DIP2B: variants seen among roughly 807,000 people sequenced by gnomAD.
DIP2B encodes disco-interacting protein 2 homolog B.
A neutral mutation model predicts 198.0 loss-of-function variants in DIP2B; 76 were observed. That is an observed-to-expected ratio of 0.38 (90% CI 0.32 to 0.46). The LOEUF (loss-of-function observed/expected upper bound fraction) is 0.46, where lower values mean the gene tolerates loss of function less well. DIP2B is among the 20% of genes least tolerant of loss of function. The pLI, the probability that DIP2B is intolerant of heterozygous loss-of-function variation, is 0.99. For missense variants in DIP2B, 1,559 were observed against 1,978.4 expected (o/e 0.79, Z 4.02); for synonymous variants, 701 against 739.1 (o/e 0.95, Z 0.84).
intron 8 of DIP2B, chr12:50,680,183 GAGAC>G (rs1413896574): frequency 6.8e-6 from 1 of 147,636 alleles, no homozygotes; most frequent in Non-Finnish European, 1.5e-5. Context: ...CTCAAACAGG[GAGAC>G]AGACAGAGGT....
At position 50,706,503 on chromosome 12, in the gene DIP2B, C is replaced by A. The variant is rs773597513; in HGVS notation, c.2407-35C>A. ...AAGATGTCTGTTTTACTATTTAAAT[C>A]ATGGAAATCAAGGTAAATCATCATT... On this transcript the variant is annotated intron_variant, in intron 20 of 37. Coordinates refer to ENST00000301180, the MANE Select transcript of DIP2B (RefSeq NM_173602.3). 34 of 1,604,912 alleles carry A rather than the reference C, an allele frequency of 2.1e-5. No individual in the cohort carries two copies. In the East Asian group the frequency reaches 3.1e-4, roughly 15 times the overall value.
intron 4 of DIP2B, among the ~76,000 whole-genome samples, chr12:50,666,490 T>G (rs1256123650): frequency 6.6e-6 from 1 of 152,154 alleles, no homozygotes; most frequent in Non-Finnish European, 1.5e-5. Context: ...TGTAACCAGC[T>G]TTTTAAAAAA....
chr12:50,605,764 T>C (rs1420966843), intron 1 of DIP2B, among the ~76,000 whole-genome samples: 1 of 152,216 alleles, frequency 6.6e-6, no homozygotes, highest in Non-Finnish European at 1.5e-5. Context: ...TGTTGCAGCA[T>C]GTATCAGTAC....
chr12:50,538,871 A>G (rs757049137), intron 1 of DIP2B, among the ~76,000 whole-genome samples: 2 of 152,156 alleles, frequency 1.3e-5, no homozygotes, highest in African/African-American at 2.4e-5. Flanking sequence ...GAATGGCCCA[A>G]TCATCAAGAT....
chr12:50,683,314 A>G, intron 10 of DIP2B, 66 bp downstream of exon 10: 3 of 1,327,326 alleles, frequency 2.3e-6, no homozygotes, highest in Non-Finnish European at 3.2e-6. Flanking sequence ...GTTCTTGGAT[A>G]GATGTAGTCA....
chr12:50,523,451 G>A lies in DIP2B; in HGVS notation c.100+18211G>A, dbSNP rs78291696. On this transcript the variant is annotated intron_variant, in intron 1 of 37. Transcript: ENST00000301180. ...GGATGTGGAACCCAAAGATATGGAC[G>A]GGCCAACTGTACTGTGTTCCTGAAT... Among the ~76,000 whole-genome samples the A allele has an allele frequency of 6.1e-3, 922 of 152,116 alleles. 7 individuals are homozygous for A. Among genetic ancestry groups the A allele is most frequent in the African/African-American group, 0.021 (881 of 41,474 alleles).
At chr12:50,714,203 C>G (rs1466199217) in intron 22 of DIP2B, among the ~76,000 whole-genome samples, 192 bp from the exon 23 acceptor site, 1 of 152,174 alleles carries the variant, frequency 6.6e-6, no homozygotes, top group Non-Finnish European at 1.5e-5. Flanking sequence ...TCTGCCACAG[C>G]TGAAAGATGT....
At chr12:50,606,806 T>G (rs76160450) in intron 1 of DIP2B, among the ~76,000 whole-genome samples, 1 of 138,168 alleles carries the variant, frequency 7.2e-6, no homozygotes, top group East Asian at 2.0e-4. Flanking sequence ...TCTTTTTCTG[T>G]TTTTTTTTTT....
chr12:50,661,070 AG>A (rs1454991347), intron 4 of DIP2B, among the ~76,000 whole-genome samples: 2 of 152,100 alleles, frequency 1.3e-5, no homozygotes, highest in Admixed American at 1.3e-4. Flanking sequence ...TCTCTCCCAA[AG>A]TTTTTTTAAA....
intron 35 of DIP2B, among the ~76,000 whole-genome samples, chr12:50,739,097 C>T (rs535837587): frequency 2.0e-4 from 31 of 152,308 alleles, no homozygotes; most frequent in African/African-American, 7.2e-4. Context: ...GAGAGCACGG[C>T]CTCCGGAGCC....
At chr12:50,733,248 T>C (rs1364641984) in intron 32 of DIP2B, among the ~76,000 whole-genome samples, 1 of 84,536 alleles carries the variant, frequency 1.2e-5, no homozygotes, top group Non-Finnish European at 2.3e-5. Context: ...ACCATTTTTT[T>C]TCTTTCTTTT....
At chr12:50,607,783 G>A (rs1958996357) in intron 1 of DIP2B, among the ~76,000 whole-genome samples, 1 of 152,102 alleles carries the variant, frequency 6.6e-6, no homozygotes, top group African/African-American at 2.4e-5. Flanking sequence ...TGTTTTCTGG[G>A]TTTTTTATTT....
intron 3 of DIP2B, chr12:50,654,876 C>T: frequency 3.6e-6 from 1 of 281,058 alleles, no homozygotes; most frequent in Non-Finnish European, 7.5e-6. Context: ...AGACAACACA[C>T]TCTGAAGGTT....
At chr12:50,722,793 G>T (rs1450874370) in intron 26 of DIP2B, among the ~76,000 whole-genome samples, 1 of 152,158 alleles carries the variant, frequency 6.6e-6, no homozygotes, top group African/African-American at 2.4e-5. Context: ...CATCTAAGAA[G>T]TCTGATGGCT....
chr12:50,515,527 CCT>C (rs1958056352), intron 1 of DIP2B, among the ~76,000 whole-genome samples: 2 of 152,112 alleles, frequency 1.3e-5, no homozygotes, highest in Admixed American at 6.6e-5. Context: ...CATGCCCAGC[CCT>C]ACACTGTGGA....
intron 30 of DIP2B, among the ~76,000 whole-genome samples, chr12:50,730,191 C>T (rs1003046824): frequency 2.0e-5 from 3 of 152,174 alleles, no homozygotes; most frequent in Non-Finnish European, 2.9e-5. Flanking sequence ...CTTAAAGTGG[C>T]AATGACTGCC....
rs545796049 is a variant in DIP2B at position 50,655,780 on chromosome 12, G to C, written c.302-4414G>C. ...GGATTGCTTGAGCCCAGGAATTTGA[G>C]AGCAACCTGGGCAACATAGTGAAAC... On this transcript the variant is annotated intron_variant, in intron 3 of 37. Coordinates refer to ENST00000301180, the MANE Select transcript of DIP2B (RefSeq NM_173602.3). Among the ~76,000 whole-genome samples the C allele has an allele frequency of 5.2e-4, 79 of 152,316 alleles. No individual in the cohort carries two copies. The Middle Eastern group carries it at 0.017, about 33-fold the overall frequency.
At chr12:50,524,531 C>T (rs1958146248) in intron 1 of DIP2B, among the ~76,000 whole-genome samples, 1 of 152,050 alleles carries the variant, frequency 6.6e-6, no homozygotes, top group South Asian at 2.1e-4. Context: ...TCTTCCCTCT[C>T]CTCTCCACCT....
intron 1 of DIP2B, among the ~76,000 whole-genome samples, chr12:50,577,684 G>A (rs958427108): frequency 1.3e-5 from 2 of 151,660 alleles, no homozygotes; most frequent in African/African-American, 4.8e-5. Flanking sequence ...TAGAAAAGCA[G>A]TTTTACCTTT....
Sources: gnomAD v4.1 joint callset for allele counts (sites outside exome capture counted in the v4.1 genomes callset) on GRCh38, gnomAD v4.1.1 for gene constraint, MANE v1.5 for transcripts, NCBI Gene and HGNC (gene_info 2026-07-23, HGNC 2026-07-21) for gene names.